The following PTTG1IP2 variants were observed in gnomAD, a reference collection of about 807,000 sequenced individuals.
PTTG1IP2 encodes the protein PTTG1IP family member 2.
chr7:90,507,587 A>ACC (rs1798138204), intron 6 of PTTG1IP2, among the ~76,000 whole-genome samples: 1 of 152,192 alleles, frequency 6.6e-6, no homozygotes, highest in Non-Finnish European at 1.5e-5. Flanking sequence ...GCCAGGCAAG[A>ACC]TAGGGCCATG....
At chr7:90,492,147 TAAA>T (rs1010024487) in intron 4 of PTTG1IP2, 89 bp from the exon 5 acceptor site, 1 of 151,870 alleles carries the variant, frequency 6.6e-6, no homozygotes, top group African/African-American at 2.4e-5. Flanking sequence ...AATAAAAAAA[TAAA>T]AAAAGTAGTC....
chr7:90,512,035 T>C (rs1798196507), intron 6 of PTTG1IP2, among the ~76,000 whole-genome samples: 1 of 152,250 alleles, frequency 6.6e-6, no homozygotes, highest in African/African-American at 2.4e-5. Flanking sequence ...AGAGTCGTTA[T>C]ACATGTTGAC....
chr7:90,483,914 C>T (rs1363814019), intron 2 of PTTG1IP2, among the ~76,000 whole-genome samples: 1 of 152,156 alleles, frequency 6.6e-6, no homozygotes, highest in East Asian at 1.9e-4. Flanking sequence ...CCACATCTTT[C>T]ACAGTCCTGG....
chr7:90,482,762 G>A (rs1026764932), intron 2 of PTTG1IP2, among the ~76,000 whole-genome samples: 3 of 121,394 alleles, frequency 2.5e-5, no homozygotes, highest in African/African-American at 9.3e-5. Context: ...AGCATCATAA[G>A]ACTGTTGCAA....
intron 6 of PTTG1IP2, among the ~76,000 whole-genome samples, chr7:90,504,158 T>C (rs1261296032): frequency 1.3e-5 from 2 of 151,682 alleles, no homozygotes. Context: ...GTACTAAAAA[T>C]ACAAAATAAT....
chr7:90,482,505 A>AC (rs11307924), intron 2 of PTTG1IP2, among the ~76,000 whole-genome samples: 5,617 of 147,176 alleles, frequency 0.038, 130 homozygotes, highest in African/African-American at 0.047. Context: ...CACATTTACA[A>AC]CCCCCCCCCC....
At chr7:90,499,010 C>A (rs565491368) in intron 6 of PTTG1IP2, among the ~76,000 whole-genome samples, 10 of 152,238 alleles carry the variant, frequency 6.6e-5, no homozygotes, top group Admixed American at 3.3e-4. Flanking sequence ...CACTACCATG[C>A]CTGGCTAACT....
chr7:90,507,892 T>C (rs920488657), intron 6 of PTTG1IP2, among the ~76,000 whole-genome samples: 1 of 152,116 alleles, frequency 6.6e-6, no homozygotes, highest in Admixed American at 6.6e-5. Context: ...AGAGGAACTT[T>C]ACAGGGTACC....
chr7:90,496,125 A>G (rs1018369285), intron 6 of PTTG1IP2, among the ~76,000 whole-genome samples: 1 of 152,198 alleles, frequency 6.6e-6, no homozygotes, highest in African/African-American at 2.4e-5. Context: ...CTTTTCTCAT[A>G]GTGTCTTTGT....
intron 6 of PTTG1IP2, among the ~76,000 whole-genome samples, chr7:90,494,778 A>C (rs1218001460): frequency 6.6e-6 from 1 of 152,212 alleles, no homozygotes; most frequent in Non-Finnish European, 1.5e-5. Context: ...ACAACTTGGT[A>C]GGCCAAGGTG....
intron 2 of PTTG1IP2, among the ~76,000 whole-genome samples, chr7:90,482,149 C>T (rs1304564350): frequency 3.3e-5 from 5 of 152,236 alleles, no homozygotes; most frequent in African/African-American, 1.2e-4. Flanking sequence ...GTGGTAGTTT[C>T]TGCCACCTCC....
intron 2 of PTTG1IP2, among the ~76,000 whole-genome samples, chr7:90,482,788 A>G (rs1327641175): frequency 2.6e-5 from 4 of 151,950 alleles, no homozygotes; most frequent in Non-Finnish European, 5.9e-5. Flanking sequence ...TTAAAATCAG[A>G]GTAGATACTA....
At chr7:90,497,713 TATAAAAAAAAAAAA>T (rs1289160533) in intron 6 of PTTG1IP2, among the ~76,000 whole-genome samples, 7 of 49,598 alleles carry the variant, frequency 1.4e-4, no homozygotes, top group East Asian at 7.6e-4. Context: ...AAAGACCCTG[TATAAAAAAAAAAAA>T]AAAAAAAAAA....
intron 1 of PTTG1IP2, among the ~76,000 whole-genome samples, chr7:90,477,295 C>T (rs1043340239): frequency 6.6e-6 from 1 of 152,106 alleles, no homozygotes; most frequent in Non-Finnish European, 1.5e-5. Flanking sequence ...AAGAAAGAAC[C>T]TACTGATTCA....
chr7:90,496,320 T>C (rs1797990644), intron 6 of PTTG1IP2, among the ~76,000 whole-genome samples: 1 of 152,218 alleles, frequency 6.6e-6, no homozygotes, highest in Non-Finnish European at 1.5e-5. Context: ...TCAATCTTGT[T>C]ACTCATTATT....
chr7:90,501,554 T>TA (rs1442777501), intron 6 of PTTG1IP2, among the ~76,000 whole-genome samples: 10 of 152,116 alleles, frequency 6.6e-5, no homozygotes, highest in Admixed American at 6.6e-4. Context: ...CCTGTGGTAC[T>TA]AGCTACTTGG....
At chr7:90,483,261 T>G (rs1243955555) in intron 2 of PTTG1IP2, among the ~76,000 whole-genome samples, 1 of 152,200 alleles carries the variant, frequency 6.6e-6, no homozygotes, top group Non-Finnish European at 1.5e-5. Context: ...TTGACTTTCC[T>G]TGAGAATTTT....
intron 5 of PTTG1IP2, among the ~76,000 whole-genome samples, chr7:90,493,844 A>G (rs1797965103): frequency 6.6e-6 from 1 of 152,226 alleles, no homozygotes; most frequent in Non-Finnish European, 1.5e-5. Context: ...ACACATTGGA[A>G]GATGATTGGT....
At chr7:90,496,318 G>A (rs1473104756) in intron 6 of PTTG1IP2, among the ~76,000 whole-genome samples, 2 of 152,064 alleles carry the variant, frequency 1.3e-5, no homozygotes, top group African/African-American at 4.8e-5. Flanking sequence ...ATTCAATCTT[G>A]TTACTCATTA....
Sources: allele counts gnomAD v4.1 joint callset (sites outside exome capture counted in the v4.1 genomes callset), GRCh38; gene constraint gnomAD v4.1.1; transcripts MANE v1.5; gene names NCBI Gene and HGNC (gene_info 2026-07-23, HGNC 2026-07-21).